The following ACAD11 variants were observed in gnomAD, a reference collection of about 807,000 sequenced individuals.
The protein encoded by ACAD11 is acyl-Coenzyme A dehydrogenase family, member 11.
A neutral mutation model predicts 102.2 loss-of-function variants in ACAD11; 83 were observed. That is an observed-to-expected ratio of 0.81 (90% CI 0.68 to 0.97). ACAD11 has a LOEUF of 0.97. ACAD11 is among the 50% of genes least tolerant of loss of function. The pLI is 0.00. For synonymous variants in ACAD11, 324 were observed against 319.8 expected (o/e 1.01, Z -0.14); for missense variants, 901 against 951.7 (o/e 0.95, Z 0.70).
intron 4 of ACAD11, 32 bp downstream of exon 4, chr3:132,641,940 G>GA (rs751902474): frequency 1.9e-6 from 3 of 1,549,284 alleles, no homozygotes; most frequent in Admixed American, 3.8e-5. Flanking sequence ...ACAAGAACTT[G>GA]AAAAAAATAG....
chr3:132,644,198 T>C (rs1445065177), intron 2 of ACAD11, among the ~76,000 whole-genome samples: 1 of 152,142 alleles, frequency 6.6e-6, no homozygotes, highest in East Asian at 1.9e-4. Context: ...ATACCCTAAA[T>C]ACGCACAGTG....
rs1936939574 is a variant in ACAD11, at chr3:132,558,244, C to A, written c.*727G>T. 6.6e-6 allele frequency: 1 copy of A among 152,102 alleles called. No individual in the cohort carries two copies. Among genetic ancestry groups the A allele is most frequent in the Admixed American group, 6.6e-5 (1 of 15,266 alleles). 9.4% of individuals were successfully genotyped at this position (152,102 alleles called of 1,614,324 possible). Reference sequence around the variant, plus strand: ...GATTTATCCACTTCAAATAAGGATACCTTTTATAAAGTACTTTCTTGTGGT... The same window carrying A: ...GATTTATCCACTTCAAATAAGGATAACTTTTATAAAGTACTTTCTTGTGGT... On this transcript the variant is annotated 3_prime_UTR_variant, in exon 20 of 20. Coordinates refer to ENST00000264990, the MANE Select transcript of ACAD11 (RefSeq NM_032169.5).
At chr3:132,615,519 C>G in intron 11 of ACAD11, among the ~76,000 whole-genome samples, 1 of 152,114 alleles carries the variant, frequency 6.6e-6, no homozygotes, top group East Asian at 1.9e-4. Flanking sequence ...AGTTCCTGTT[C>G]TTTGCAGGGA....
chr3:132,651,580 GCCT>G (rs1202479150), intron 1 of ACAD11, among the ~76,000 whole-genome samples: 1 of 152,082 alleles, frequency 6.6e-6, no homozygotes, highest in Non-Finnish European at 1.5e-5. Context: ...TCCTGCTAGT[GCCT>G]CAATTCCAAC....
chr3:132,565,282 A>G (rs1937177474), intron 17 of ACAD11, among the ~76,000 whole-genome samples: 1 of 152,152 alleles, frequency 6.6e-6, no homozygotes. Flanking sequence ...CCCACTGGCC[A>G]GTAATAAGTC....
intron 11 of ACAD11, among the ~76,000 whole-genome samples, chr3:132,616,704 C>G (rs898972998): frequency 2.0e-5 from 3 of 152,176 alleles, no homozygotes; most frequent in Non-Finnish European, 2.9e-5. Context: ...AACAAAAAGA[C>G]TACCCATTCA....
At chr3:132,582,521 G>T (rs1379716540) in intron 13 of ACAD11, among the ~76,000 whole-genome samples, 1 of 151,838 alleles carries the variant, frequency 6.6e-6, no homozygotes, top group East Asian at 1.9e-4. Flanking sequence ...GAGACTGAGA[G>T]GCTTGTTGAG....
chr3:132,633,591 A>G (rs2107870188), intron 5 of ACAD11, among the ~76,000 whole-genome samples: 1 of 152,264 alleles, frequency 6.6e-6, no homozygotes, highest in African/African-American at 2.4e-5. Context: ...GGCCTCATAA[A>G]ATGAGTTAGG....
intron 12 of ACAD11, among the ~76,000 whole-genome samples, chr3:132,604,052 T>C (rs1262765941): frequency 6.6e-6 from 1 of 152,182 alleles, no homozygotes; most frequent in Non-Finnish European, 1.5e-5. Context: ...TTGTAGACAA[T>C]ACATCCTACT....
chr3:132,578,945 G>A (rs1291978348), intron 14 of ACAD11, 64 bp from the exon 15 acceptor site: 2 of 1,601,690 alleles, frequency 1.2e-6, no homozygotes, highest in African/African-American at 1.3e-5. Context: ...CAGATAATAA[G>A]CAGAATCACA....
At chr3:132,619,373 C>T (rs190099922) in intron 10 of ACAD11, 95 bp downstream of exon 10, 5 of 702,296 alleles carry the variant, frequency 7.1e-6, no homozygotes, top group East Asian at 2.9e-5. Flanking sequence ...ATATAATTTT[C>T]TTCTACATAT....
intron 13 of ACAD11, chr3:132,601,026 T>C (rs370355579): frequency 4.3e-5 from 70 of 1,613,772 alleles, no homozygotes; most frequent in Non-Finnish European, 5.3e-5. Context: ...ATTGGATTTG[T>C]AGTACCCTTT....
intron 4 of ACAD11, among the ~76,000 whole-genome samples, chr3:132,641,570 GAA>G (rs1940502190): frequency 1.6e-5 from 2 of 123,798 alleles, no homozygotes; most frequent in African/African-American, 6.9e-5. Flanking sequence ...TGAAGAAGAA[GAA>G]GAAGAAGAAG....
chr3:132,629,362 G>A (rs13088740), intron 7 of ACAD11, among the ~76,000 whole-genome samples: 17 of 152,268 alleles, frequency 1.1e-4, no homozygotes, highest in African/African-American at 3.9e-4. Flanking sequence ...GTTTCACCAT[G>A]TTGGCCAGGC....
At chr3:132,640,541 T>G (rs941780850) in intron 4 of ACAD11, among the ~76,000 whole-genome samples, 2 of 152,188 alleles carry the variant, frequency 1.3e-5, no homozygotes, top group African/African-American at 4.8e-5. Context: ...ACCATATTGT[T>G]TATTTGCTTT....
intron 15 of ACAD11, 49 bp from the exon 16 acceptor site, chr3:132,577,064 G>C (rs1468406449): frequency 1.8e-6 from 2 of 1,097,116 alleles, no homozygotes; most frequent in Admixed American, 1.9e-5. Context: ...GACTAAAAAA[G>C]AGTCACATAT....
intron 17 of ACAD11, among the ~76,000 whole-genome samples, chr3:132,575,528 A>G (rs755577519): frequency 6.6e-5 from 10 of 152,190 alleles, no homozygotes; most frequent in Non-Finnish European, 1.5e-4. Flanking sequence ...GAATCTGAGA[A>G]AGTTGAAGGA....
intron 5 of ACAD11, 86 bp downstream of exon 5, chr3:132,639,406 C>A: frequency 7.4e-7 from 1 of 1,350,108 alleles, no homozygotes; most frequent in East Asian, 2.5e-5. Context: ...GGGTTGGGCT[C>A]CCTCAGTGCT....
At chr3:132,611,101 A>C (rs1311251871) in intron 11 of ACAD11, among the ~76,000 whole-genome samples, 1 of 152,202 alleles carries the variant, frequency 6.6e-6, no homozygotes, top group Non-Finnish European at 1.5e-5. Flanking sequence ...TCCAGCATAT[A>C]AACAGAACCA....
Sources: allele counts gnomAD v4.1 joint callset (sites outside exome capture counted in the v4.1 genomes callset), GRCh38; gene constraint gnomAD v4.1.1; transcripts MANE v1.5; gene names NCBI Gene and HGNC (gene_info 2026-07-23, HGNC 2026-07-21).